The following CNTNAP2 variants were observed in gnomAD, a reference collection of about 807,000 sequenced individuals.
CNTNAP2 encodes contactin-associated protein-like 2.
In CNTNAP2, 98 loss-of-function variants were observed where a neutral mutation model predicts 155.2. The ratio of observed to expected loss-of-function variants is 0.63; its 90% CI spans 0.54 to 0.75. The LOEUF is 0.75. CNTNAP2 is among the 30% of genes least tolerant of loss of function. The pLI is 0.00. For missense variants in CNTNAP2, 1,727 were observed against 1,688.1 expected, an observed-to-expected ratio of 1.02 and a Z score of -0.40; for synonymous variants, 651 against 631.2, an observed-to-expected ratio of 1.03 and a Z score of -0.47.
intron 8 of CNTNAP2, among the ~76,000 whole-genome samples, chr7:147,142,426 A>G (rs989843814): frequency 4.6e-5 from 7 of 152,152 alleles, no homozygotes; most frequent in African/African-American, 1.2e-4. Flanking sequence ...GATGAAGCCC[A>G]CTTGATCATG....
chr7:147,313,395 G>C (rs1795162694), intron 9 of CNTNAP2, among the ~76,000 whole-genome samples: 1 of 150,770 alleles, frequency 6.6e-6, no homozygotes, highest in Non-Finnish European at 1.5e-5. Flanking sequence ...TATGGTTTTA[G>C]GTCTAACATT....
At chr7:147,502,585 GACTACAGTTAATTAT>G (rs1798834934) in intron 11 of CNTNAP2, among the ~76,000 whole-genome samples, 1 of 152,076 alleles carries the variant, frequency 6.6e-6, no homozygotes, top group Non-Finnish European at 1.5e-5. Flanking sequence ...ACAACATGGT[GACTACAGTTAATTAT>G]ACTGTATTGT....
chr7:147,332,899 G>T (rs191049011), intron 9 of CNTNAP2, among the ~76,000 whole-genome samples: 1 of 152,098 alleles, frequency 6.6e-6, no homozygotes, highest in East Asian at 1.9e-4. Flanking sequence ...ATGTGGGTTG[G>T]TTTCTATTTA....
chr7:146,597,536 C>T (rs1484945503), intron 1 of CNTNAP2, among the ~76,000 whole-genome samples: 1 of 151,676 alleles, frequency 6.6e-6, no homozygotes, highest in Non-Finnish European at 1.5e-5. Flanking sequence ...TAATATTTGC[C>T]CTTTCTTGGT....
chr7:147,969,863 AT>A (rs1159016415), intron 14 of CNTNAP2, among the ~76,000 whole-genome samples: 1 of 151,658 alleles, frequency 6.6e-6, no homozygotes, highest in Non-Finnish European at 1.5e-5. Flanking sequence ...AAGTCTGTCT[AT>A]TTTTTTAAGT....
intron 15 of CNTNAP2, among the ~76,000 whole-genome samples, chr7:148,091,989 G>T (rs557785527): frequency 3.3e-5 from 5 of 152,292 alleles, no homozygotes; most frequent in African/African-American, 1.2e-4. Flanking sequence ...GTAATTTGCT[G>T]AAATTCCCAT....
intron 1 of CNTNAP2, among the ~76,000 whole-genome samples, chr7:146,474,629 G>A (rs929181362): frequency 2.6e-5 from 4 of 151,596 alleles, no homozygotes; most frequent in Non-Finnish European, 5.9e-5. Flanking sequence ...ATCATCAATC[G>A]ATCTGAAAAT....
intron 4 of CNTNAP2, among the ~76,000 whole-genome samples, chr7:147,074,013 G>A (rs536610725): frequency 6.6e-6 from 1 of 152,248 alleles, no homozygotes; most frequent in Admixed American, 6.5e-5. Context: ...TTGGAATCAA[G>A]ATGGTGAATT....
chr7:147,190,614 T>C (rs1428073814), intron 8 of CNTNAP2, among the ~76,000 whole-genome samples: 3 of 152,164 alleles, frequency 2.0e-5, no homozygotes, highest in Non-Finnish European at 1.5e-5. Flanking sequence ...GCTTGAGGGC[T>C]GGATATACCG....
intron 3 of CNTNAP2, among the ~76,000 whole-genome samples, chr7:146,849,855 A>C (rs1309592035): frequency 6.6e-6 from 1 of 152,190 alleles, no homozygotes; most frequent in Non-Finnish European, 1.5e-5. Context: ...CTTGAGAATA[A>C]TATATTTTAA....
intron 10 of CNTNAP2, among the ~76,000 whole-genome samples, chr7:147,446,562 A>G (rs1244585331): frequency 1.3e-5 from 2 of 152,162 alleles, no homozygotes; most frequent in African/African-American, 2.4e-5. Context: ...ACTGTTTACA[A>G]CCACGACTGC....
In CNTNAP2 at chr7:146,715,968, G is replaced by A. The variant is rs566957708; in HGVS notation, c.98-58303G>A. Among the ~76,000 whole-genome samples the A allele has an allele frequency of 4.6e-5, 7 of 151,668 alleles. No homozygotes were observed. In the South Asian group the frequency reaches 1.3e-3, roughly 27 times the overall value. On this transcript the variant is annotated intron_variant, in intron 1 of 23. Transcript: ENST00000361727. ...GTCACAGTGTTGGATCTCAGGTGGT[G>A]CAGACTTACCTATCCCAACTTGAGA...
chr7:147,938,383 C>T (rs957030997), intron 14 of CNTNAP2, among the ~76,000 whole-genome samples: 3 of 151,748 alleles, frequency 2.0e-5, no homozygotes, highest in Non-Finnish European at 2.9e-5. Context: ...AGACACTGAC[C>T]CATACATAAA....
chr7:147,119,212 C>A (rs936425410), intron 5 of CNTNAP2, among the ~76,000 whole-genome samples: 1 of 152,032 alleles, frequency 6.6e-6, no homozygotes, highest in African/African-American at 2.4e-5. Flanking sequence ...CATTTTTTAT[C>A]CCAAATGAAA....
intron 1 of CNTNAP2, among the ~76,000 whole-genome samples, chr7:146,161,439 G>A (rs1269941181): frequency 6.6e-6 from 1 of 151,976 alleles, no homozygotes; most frequent in Non-Finnish European, 1.5e-5. Flanking sequence ...AAAATACCTA[G>A]GATTCCAACT....
At chr7:147,496,416 A>G (rs1185006067) in intron 11 of CNTNAP2, among the ~76,000 whole-genome samples, 1 of 152,198 alleles carries the variant, frequency 6.6e-6, no homozygotes, top group Non-Finnish European at 1.5e-5. Context: ...CTTACAGTGC[A>G]TTTTTGAAAA....
chr7:147,300,024 C>T (rs1196692413), intron 8 of CNTNAP2, 117 bp from the exon 9 acceptor site: 2 of 1,102,958 alleles, frequency 1.8e-6, no homozygotes, highest in African/African-American at 3.1e-5. Flanking sequence ...GTAAGCAGCA[C>T]TGTATTTTCC....
chr7:146,530,428 C>T (rs1217025046), intron 1 of CNTNAP2, among the ~76,000 whole-genome samples: 1 of 151,916 alleles, frequency 6.6e-6, no homozygotes, highest in Non-Finnish European at 1.5e-5. Context: ...AAAAAAAGAG[C>T]AAAGTAAACA....
At chr7:146,301,321 C>T (rs1800605984) in intron 1 of CNTNAP2, among the ~76,000 whole-genome samples, 1 of 151,882 alleles carries the variant, frequency 6.6e-6, no homozygotes, top group Admixed American at 6.6e-5. Context: ...ATCTTCTTTC[C>T]ATTTAAGAAG....
Sources: allele counts gnomAD v4.1 joint callset (sites outside exome capture counted in the v4.1 genomes callset), GRCh38; gene constraint gnomAD v4.1.1; transcripts MANE v1.5; gene names NCBI Gene and HGNC (gene_info 2026-07-23, HGNC 2026-07-21).